Variants in RPS6KA2 observed in about 807,000 individuals in gnomAD.
The protein encoded by RPS6KA2 is ribosomal protein S6 kinase alpha-2.
Under a neutral mutation model 91.8 loss-of-function variants are expected in RPS6KA2, and 42 were observed. The ratio of observed to expected loss-of-function variants is 0.46; its 90% confidence interval spans 0.36 to 0.59. The LOEUF (loss-of-function observed/expected upper bound fraction) is 0.59, where lower values mean the gene tolerates loss of function less well. RPS6KA2 is among the 20% of genes least tolerant of loss of function. The pLI is 0.00. For synonymous variants in RPS6KA2, 414 were observed against 393.6 expected, an observed-to-expected ratio of 1.05 and a Z score of -0.61; for missense variants, 798 against 978.5, an observed-to-expected ratio of 0.82 and a Z score of 2.46.
At position 166,510,373 on chromosome 6, in the gene RPS6KA2, A is replaced by G; in HGVS notation, c.299-16T>C. 6.5e-7 allele frequency: 1 copy of G among 1,549,294 alleles called. No individual in the cohort carries two copies. Among genetic ancestry groups the G allele is most frequent in the Non-Finnish European group, 8.8e-7 (1 of 1,134,192 alleles). On this transcript the variant is annotated splice_polypyrimidine_tract_variant and intron_variant, in intron 3 of 20. Coordinates refer to ENST00000265678, the MANE Select transcript of RPS6KA2 (RefSeq NM_021135.6). ...CGGTCCCGAACTGCAAAGTAAAAAGATAAAGGCTTTCATGAGGCAGGAAAT... is the reference window on the plus strand; with the variant it reads ...CGGTCCCGAACTGCAAAGTAAAAAGGTAAAGGCTTTCATGAGGCAGGAAAT...
At chr6:166,553,686 G>A (rs1784090487) in intron 1 of RPS6KA2, among the ~76,000 whole-genome samples, 1 of 151,926 alleles carries the variant, frequency 6.6e-6, no homozygotes, top group Admixed American at 6.6e-5. Context: ...TATCACACGT[G>A]CGGCTCATCC....
At chr6:166,738,082 A>C (rs143916791) in intron 2 of RPS6KA2, among the ~76,000 whole-genome samples, 170 of 152,296 alleles carry the variant, frequency 1.1e-3, no homozygotes, top group Non-Finnish European at 1.5e-3. Context: ...TGCCTTTTGC[A>C]TTTAGTACAT....
intron 2 of RPS6KA2, among the ~76,000 whole-genome samples, chr6:166,649,499 TC>T (rs1190679384): frequency 6.6e-6 from 1 of 152,238 alleles, no homozygotes; most frequent in East Asian, 1.9e-4. Flanking sequence ...GAGGGAATCC[TC>T]CTCATGGTAT....
At chr6:166,588,305 C>A (rs1785245991) in intron 1 of RPS6KA2, among the ~76,000 whole-genome samples, 1 of 152,146 alleles carries the variant, frequency 6.6e-6, no homozygotes, top group Admixed American at 6.5e-5. Flanking sequence ...GTGTGTGCAG[C>A]TGCTCACAGG....
At chr6:166,696,286 G>A (rs1789357953) in intron 2 of RPS6KA2, among the ~76,000 whole-genome samples, 1 of 152,160 alleles carries the variant, frequency 6.6e-6, no homozygotes, top group Admixed American at 6.5e-5. Context: ...AATCAATACG[G>A]GGGTGATCAG....
At chr6:166,504,714 G>A (rs1782137054) in intron 5 of RPS6KA2, 102 bp from the exon 6 acceptor site, 2 of 785,062 alleles carry the variant, frequency 2.5e-6, no homozygotes, top group Non-Finnish European at 4.1e-6. Flanking sequence ...GTCCACACTG[G>A]GGTCAGTTTG....
At chr6:166,517,014 A>G (rs1172847112) in intron 3 of RPS6KA2, among the ~76,000 whole-genome samples, 3 of 152,184 alleles carry the variant, frequency 2.0e-5, no homozygotes, top group African/African-American at 7.2e-5. Context: ...ACTTTATAGC[A>G]TTGGTAAGGA....
chr6:166,471,821 G>A (rs982203759), intron 10 of RPS6KA2, among the ~76,000 whole-genome samples: 1 of 152,212 alleles, frequency 6.6e-6, no homozygotes, highest in African/African-American at 2.4e-5. Context: ...TCTTTCCCGA[G>A]GACTCCCTGC....
chr6:166,810,210 C>T (rs1331935842), intron 2 of RPS6KA2, among the ~76,000 whole-genome samples: 1 of 152,158 alleles, frequency 6.6e-6, no homozygotes, highest in African/African-American at 2.4e-5. Flanking sequence ...TCACCTCCAC[C>T]TAGTCCCGCC....
chr6:166,700,065 G>A (rs1789465277), intron 2 of RPS6KA2, among the ~76,000 whole-genome samples: 1 of 152,206 alleles, frequency 6.6e-6, no homozygotes, highest in Admixed American at 6.5e-5. Context: ...TGAAAGTCCT[G>A]CATCTCTTCA....
chr6:166,777,548 C>A (rs1778656853), intron 2 of RPS6KA2, among the ~76,000 whole-genome samples: 1 of 151,926 alleles, frequency 6.6e-6, no homozygotes, highest in South Asian at 2.1e-4. Context: ...GCCAAGAATT[C>A]CAGAGAACAG....
At chr6:166,717,183 G>T (rs561897234) in intron 2 of RPS6KA2, among the ~76,000 whole-genome samples, 6 of 152,208 alleles carry the variant, frequency 3.9e-5, no homozygotes, top group East Asian at 3.8e-4. Flanking sequence ...GTCTGAGTTC[G>T]TCTGAGGCTC....
At chr6:166,813,702 C>A (rs941577935) in intron 2 of RPS6KA2, among the ~76,000 whole-genome samples, 6 of 152,134 alleles carry the variant, frequency 3.9e-5, no homozygotes, top group African/African-American at 1.4e-4. Context: ...TCCACCGTCA[C>A]GAGGCTTTCT....
chr6:166,691,439 G>A (rs1172253784), intron 2 of RPS6KA2, among the ~76,000 whole-genome samples: 1 of 151,914 alleles, frequency 6.6e-6, no homozygotes, highest in Non-Finnish European at 1.5e-5. Context: ...TGCCCCAGGC[G>A]CCCGACACCT....
chr6:166,494,442 G>A lies in RPS6KA2; in HGVS notation c.748-3701C>T, dbSNP rs901642993. Among the ~76,000 whole-genome samples, 4 of 152,208 alleles carry A rather than the reference G, an allele frequency of 2.6e-5. No individual in the cohort carries two copies. The highest frequency in any genetic ancestry group is 4.8e-5 in the African/African-American group (2 of 41,444). On this transcript the variant is annotated intron_variant, in intron 8 of 20. Transcript: ENST00000265678. The surrounding 1 kb of genome is among the most constrained non-coding windows in gnomAD (Gnocchi z 5.1). ...GGACACATCACATGGCACCTGAGGCGGGATGTCCAGAACATTCCGTGCCCG... is the reference window on the plus strand; with the variant it reads ...GGACACATCACATGGCACCTGAGGCAGGATGTCCAGAACATTCCGTGCCCG...
chr6:166,862,001 T>C (rs1781057478), intron 1 of RPS6KA2: 1 of 1,427,076 alleles, frequency 7.0e-7, no homozygotes. Flanking sequence ...TGACCCATCA[T>C]AGTCACCTAA....
intron 1 of RPS6KA2, among the ~76,000 whole-genome samples, chr6:166,860,117 G>C (rs1781010164): frequency 9.3e-6 from 1 of 107,082 alleles, no homozygotes; most frequent in Non-Finnish European, 2.2e-5. Context: ...AAAACACAGA[G>C]GATTTTGTGG....
intron 2 of RPS6KA2, among the ~76,000 whole-genome samples, chr6:166,722,767 GA>G (rs1462966099): frequency 6.6e-6 from 1 of 152,220 alleles, no homozygotes. Flanking sequence ...CCCTTTTTGA[GA>G]TTCGTCCTTC....
chr6:166,582,026 GTC>G (rs1562593671), intron 1 of RPS6KA2, among the ~76,000 whole-genome samples: 11 of 137,016 alleles, frequency 8.0e-5, no homozygotes, highest in African/African-American at 1.4e-4. Context: ...GGGGTGGGAC[GTC>G]CACTGGGCAG....
Sources: allele counts gnomAD v4.1 joint callset (sites outside exome capture counted in the v4.1 genomes callset), GRCh38; gene constraint gnomAD v4.1.1; non-coding constraint Gnocchi (gnomAD v3.1); transcripts MANE v1.5; gene names NCBI Gene and HGNC (gene_info 2026-07-23, HGNC 2026-07-21).